SSBP2: variants seen among roughly 807,000 people sequenced by gnomAD.
The protein encoded by SSBP2 is single stranded DNA binding protein 2.
A neutral mutation model predicts 61.8 loss-of-function variants in SSBP2; 17 were observed. The ratio of observed to expected loss-of-function variants is 0.28; its 90% confidence interval spans 0.19 to 0.41. The LOEUF is 0.41. SSBP2 is among the 10% of genes least tolerant of loss of function. The pLI, the probability that SSBP2 is intolerant of heterozygous loss-of-function variation, is 1.00. For synonymous variants in SSBP2, 139 were observed against 141.3 expected, an observed-to-expected ratio of 0.98 and a Z score of 0.12; for missense variants, 310 against 458.7, an observed-to-expected ratio of 0.68 and a Z score of 2.96.
intron 1 of SSBP2, among the ~76,000 whole-genome samples, chr5:81,690,192 A>G (rs1427990510): frequency 6.6e-6 from 1 of 152,138 alleles, no homozygotes; most frequent in Non-Finnish European, 1.5e-5. Context: ...AAGAAGAAAG[A>G]GAAGACCATA....
At chr5:81,529,133 A>G (rs1770191575) in intron 4 of SSBP2, among the ~76,000 whole-genome samples, 1 of 152,128 alleles carries the variant, frequency 6.6e-6, no homozygotes, top group Non-Finnish European at 1.5e-5. Context: ...ACCGAAAAAG[A>G]AAGAAATTAT....
At chr5:81,610,505 G>A (rs771458975) in intron 4 of SSBP2, among the ~76,000 whole-genome samples, 3 of 152,086 alleles carry the variant, frequency 2.0e-5, no homozygotes. Flanking sequence ...AGAGTTTAAA[G>A]CACCTGATCT....
chr5:81,718,928 T>C (rs1395665424), intron 1 of SSBP2, among the ~76,000 whole-genome samples: 1 of 152,202 alleles, frequency 6.6e-6, no homozygotes, highest in Non-Finnish European at 1.5e-5. Context: ...AATCCAGATA[T>C]TGCTATGAAC....
chr5:81,647,925 G>C (rs1749406403), intron 2 of SSBP2, among the ~76,000 whole-genome samples: 1 of 152,012 alleles, frequency 6.6e-6, no homozygotes, highest in South Asian at 2.1e-4. Context: ...GAACGTCCTT[G>C]AATAAGTTAG....
chr5:81,727,209 A>C (rs575094728), intron 1 of SSBP2, among the ~76,000 whole-genome samples: 38 of 152,366 alleles, frequency 2.5e-4, no homozygotes, highest in African/African-American at 9.1e-4. Flanking sequence ...CCTATAAAGT[A>C]GAATATACTA....
At chr5:81,751,347 C>T, upstream of SSBP2, 3 of 517,086 alleles carry the variant, frequency 5.8e-6, no homozygotes, top group South Asian at 2.4e-5. Flanking sequence ...CTCTCCTTCC[C>T]CCTCCCCCCT....
At chr5:81,483,629 C>T (rs751813639) in intron 6 of SSBP2, among the ~76,000 whole-genome samples, 1 of 152,078 alleles carries the variant, frequency 6.6e-6, no homozygotes, top group Non-Finnish European at 1.5e-5. Context: ...CCTAAGATGC[C>T]AGACGCATTT....
intron 1 of SSBP2, among the ~76,000 whole-genome samples, chr5:81,668,872 G>T (rs573826381): frequency 6.6e-5 from 10 of 151,928 alleles, no homozygotes; most frequent in Non-Finnish European, 1.2e-4. Context: ...TTTCCCAAAG[G>T]AATAATTTTA....
At chr5:81,730,924 T>A (rs1394195515) in intron 1 of SSBP2, among the ~76,000 whole-genome samples, 1 of 124,102 alleles carries the variant, frequency 8.1e-6, no homozygotes, top group Non-Finnish European at 1.8e-5. Context: ...TTCTAATATA[T>A]TTTTATTGTG....
chr5:81,538,978 A>C (rs913038493), intron 4 of SSBP2, among the ~76,000 whole-genome samples: 2 of 152,210 alleles, frequency 1.3e-5, no homozygotes, highest in Non-Finnish European at 2.9e-5. Context: ...CGTAACTTTG[A>C]CTTTCAAGAC....
chr5:81,616,804 G>A (rs1329969385), intron 3 of SSBP2, among the ~76,000 whole-genome samples: 1 of 152,034 alleles, frequency 6.6e-6, no homozygotes, highest in Non-Finnish European at 1.5e-5. Context: ...CCTGTGCCCC[G>A]AGCAGCCTAA....
chr5:81,642,839 G>A (rs1204291726), intron 2 of SSBP2, among the ~76,000 whole-genome samples: 6 of 152,158 alleles, frequency 3.9e-5, no homozygotes, highest in Admixed American at 3.9e-4. Context: ...GCACAGAATG[G>A]TGTATAAGCT....
chr5:81,699,972 G>C (rs557046401), intron 1 of SSBP2, among the ~76,000 whole-genome samples: 1 of 150,320 alleles, frequency 6.7e-6, no homozygotes, highest in Non-Finnish European at 1.5e-5. Context: ...CTTTCCACCT[G>C]AAGTGGCTAC....
At chr5:81,483,352 T>A (rs1766138735) in intron 6 of SSBP2, among the ~76,000 whole-genome samples, 1 of 152,166 alleles carries the variant, frequency 6.6e-6, no homozygotes, top group Admixed American at 6.5e-5. Flanking sequence ...CCTGTGTATT[T>A]CCTTGACTAC....
intron 1 of SSBP2, among the ~76,000 whole-genome samples, chr5:81,679,193 G>A (rs765927040): frequency 6.6e-6 from 1 of 152,130 alleles, no homozygotes; most frequent in Non-Finnish European, 1.5e-5. Context: ...ATTTTTAGTA[G>A]AGACGGGGTT....
intron 6 of SSBP2, among the ~76,000 whole-genome samples, chr5:81,477,786 C>A (rs751825080): frequency 1.3e-5 from 2 of 152,046 alleles, no homozygotes; most frequent in African/African-American, 2.4e-5. Context: ...CCTATCTGTG[C>A]CTACTGTCAC....
At chr5:81,742,120 C>A (rs973876625) in intron 1 of SSBP2, among the ~76,000 whole-genome samples, 1 of 151,960 alleles carries the variant, frequency 6.6e-6, no homozygotes. Flanking sequence ...CCAGCTCATA[C>A]GATTATAATG....
At chr5:81,624,431 T>C (rs905289727) in intron 3 of SSBP2, among the ~76,000 whole-genome samples, 2 of 152,184 alleles carry the variant, frequency 1.3e-5, no homozygotes, top group Non-Finnish European at 2.9e-5. Flanking sequence ...GATTTAAATT[T>C]TTTTTGATTT....
intron 5 of SSBP2, among the ~76,000 whole-genome samples, chr5:81,490,187 T>G (rs1766749257): frequency 6.6e-6 from 1 of 152,088 alleles, no homozygotes; most frequent in Middle Eastern, 3.2e-3. Context: ...AGTCAGAGGC[T>G]CCTAAGATGT....
Sources: allele counts gnomAD v4.1 joint callset (sites outside exome capture counted in the v4.1 genomes callset), GRCh38; gene constraint gnomAD v4.1.1; transcripts MANE v1.5; gene names NCBI Gene and HGNC (gene_info 2026-07-23, HGNC 2026-07-21).